ME3: variants seen among roughly 807,000 people sequenced by gnomAD.
The protein encoded by ME3 is malic enzyme 3, also known as NADP-dependent malic enzyme, mitochondrial.
Under a neutral mutation model 68.9 loss-of-function variants are expected in ME3, and 48 were observed. That is an observed-to-expected ratio of 0.70 (90% confidence interval 0.55 to 0.89). ME3 has a LOEUF of 0.89. Among genes scored for constraint, ME3 ranks in the 40% least tolerant of loss-of-function variants. The pLI, the probability that ME3 is intolerant of heterozygous loss-of-function variation, is 0.00. For missense variants in ME3, 675 were observed against 797.4 expected (o/e 0.85, Z 1.85); for synonymous variants, 320 against 318.8 (o/e 1.00, Z -0.04).
intron 2 of ME3, among the ~76,000 whole-genome samples, chr11:86,564,476 A>AAAAAAC (rs58120093): frequency 6.9e-6 from 1 of 145,330 alleles, no homozygotes; most frequent in African/African-American, 2.5e-5. Flanking sequence ...AAAAAAAAAA[A>AAAAAAC]CAGTGTGGGA....
chr11:86,523,362 A>G (rs1158392909), intron 4 of ME3, among the ~76,000 whole-genome samples: 1 of 152,212 alleles, frequency 6.6e-6, no homozygotes, highest in African/African-American at 2.4e-5. Context: ...TTGGCAAAGT[A>G]GTAAGGGAAA....
intron 2 of ME3, among the ~76,000 whole-genome samples, chr11:86,597,269 G>C (rs148090085): frequency 5.8e-4 from 88 of 152,356 alleles, no homozygotes; most frequent in Non-Finnish European, 1.2e-3. Flanking sequence ...ACGTTCCAAG[G>C]TCACGGCAGA....
intron 2 of ME3, among the ~76,000 whole-genome samples, chr11:86,637,810 T>C (rs972331170): frequency 6.6e-6 from 1 of 151,982 alleles, no homozygotes; most frequent in Admixed American, 6.6e-5. Flanking sequence ...AAAATGGAGA[T>C]ACGGAGACCA....
At chr11:86,446,122 A>G (rs747618833) in intron 13 of ME3, among the ~76,000 whole-genome samples, 192 bp downstream of exon 13, 3 of 152,136 alleles carry the variant, frequency 2.0e-5, no homozygotes, top group Non-Finnish European at 4.4e-5. Context: ...TTCCCCCTCA[A>G]AAGCCCCATG....
intron 8 of ME3, among the ~76,000 whole-genome samples, chr11:86,461,959 A>C (rs1263280129): frequency 1.3e-5 from 2 of 152,226 alleles, no homozygotes; most frequent in African/African-American, 4.8e-5. Flanking sequence ...TCTGGGACCC[A>C]GAAAACCATC....
intron 8 of ME3, among the ~76,000 whole-genome samples, chr11:86,459,887 G>A (rs1565807512): frequency 6.6e-6 from 1 of 152,218 alleles, no homozygotes; most frequent in African/African-American, 2.4e-5. Context: ...AGGCTGGCCA[G>A]GTGGAGGAAG....
In ME3 at chr11:86,659,439, C is replaced by T. The variant is rs74622304; in HGVS notation, c.183+12323G>A. The stretch of plus-strand genomic sequence containing the variant: ...CTTACTTCCTGGACAGGACATCAAC[C>T]CCTCAGGGCCTCTGAAAACTTATGT... On this transcript the variant is annotated intron_variant, in intron 2 of 14. Coordinates refer to ENST00000543262, the Ensembl canonical transcript of ME3. Among the ~76,000 whole-genome samples the T allele has an allele frequency of 7.4e-3, 1,130 of 152,288 alleles. 11 individuals are homozygous for T. The highest frequency in any genetic ancestry group is 0.026 in the African/African-American group (1,070 of 41,560).
intron 2 of ME3, among the ~76,000 whole-genome samples, chr11:86,643,548 T>C (rs961233189): frequency 6.6e-6 from 1 of 152,200 alleles, no homozygotes; most frequent in African/African-American, 2.4e-5. Context: ...CCTTTTCACT[T>C]GATGCAACAC....
intron 2 of ME3, among the ~76,000 whole-genome samples, chr11:86,641,888 A>G (rs1245132387): frequency 6.6e-6 from 1 of 152,166 alleles, no homozygotes; most frequent in Non-Finnish European, 1.5e-5. Flanking sequence ...TTTTTAAAAA[A>G]AAACTTTAAA....
intron 2 of ME3, among the ~76,000 whole-genome samples, chr11:86,611,733 T>A (rs1224698684): frequency 6.6e-6 from 1 of 152,100 alleles, no homozygotes; most frequent in Non-Finnish European, 1.5e-5. Context: ...TGGCTCTTAC[T>A]ATGGGTCTAG....
At chr11:86,482,780 A>G (rs2138890603) in intron 7 of ME3, among the ~76,000 whole-genome samples, 1 of 152,090 alleles carries the variant, frequency 6.6e-6, no homozygotes, top group African/African-American at 2.4e-5. Flanking sequence ...CCTAAGACTC[A>G]ATGGAAAAAC....
chr11:86,438,844 T>G (rs1275238495), downstream of ME3, among the ~76,000 whole-genome samples: 1 of 151,436 alleles, frequency 6.6e-6, no homozygotes, highest in Non-Finnish European at 1.5e-5. Flanking sequence ...AATAAGATCT[T>G]TCTCTCTCTC....
At chr11:86,551,717 A>G (rs905752466) in intron 4 of ME3, among the ~76,000 whole-genome samples, 1 of 152,198 alleles carries the variant, frequency 6.6e-6, no homozygotes, top group African/African-American at 2.4e-5. Context: ...GTAACTCTTA[A>G]TATCCTGTAT....
intron 4 of ME3, among the ~76,000 whole-genome samples, chr11:86,534,701 ACTTAG>A (rs1038887708): frequency 1.6e-4 from 24 of 151,896 alleles, no homozygotes; most frequent in African/African-American, 5.6e-4. Context: ...TAATAATAAC[ACTTAG>A]CTTAAAACAC....
chr11:86,649,498 C>T (rs887501998), intron 2 of ME3, among the ~76,000 whole-genome samples: 1 of 152,146 alleles, frequency 6.6e-6, no homozygotes, highest in Admixed American at 6.5e-5. Flanking sequence ...AAAATATATT[C>T]AAATAGGAAG....
intron 7 of ME3, among the ~76,000 whole-genome samples, chr11:86,475,716 A>G (rs1239248993): frequency 6.6e-6 from 1 of 152,020 alleles, no homozygotes; most frequent in Non-Finnish European, 1.5e-5. Context: ...AAAGTGAGGA[A>G]ATTGGATCAA....
chr11:86,479,076 T>G (rs936731434), intron 7 of ME3, among the ~76,000 whole-genome samples: 4 of 152,146 alleles, frequency 2.6e-5, no homozygotes, highest in African/African-American at 9.7e-5. Flanking sequence ...TAAGGAAGAT[T>G]CACCCTCACC....
intron 4 of ME3, among the ~76,000 whole-genome samples, chr11:86,544,539 A>G (rs1486558107): frequency 1.3e-5 from 2 of 152,246 alleles, no homozygotes; most frequent in African/African-American, 4.8e-5. Context: ...CTACGCAAAT[A>G]AACTAGACAA....
chr11:86,599,521 C>T (rs1312303102), intron 2 of ME3, among the ~76,000 whole-genome samples: 1 of 152,210 alleles, frequency 6.6e-6, no homozygotes, highest in Non-Finnish European at 1.5e-5. Context: ...AGTTGGAAAA[C>T]ACTCTGCAGG....
Sources: allele counts gnomAD v4.1 joint callset (sites outside exome capture counted in the v4.1 genomes callset), GRCh38; gene constraint gnomAD v4.1.1; transcripts MANE v1.5; gene names NCBI Gene and HGNC (gene_info 2026-07-23, HGNC 2026-07-21).